B4GALNT4: variants seen among roughly 807,000 people sequenced by gnomAD.
B4GALNT4 encodes beta-1,4-N-acetyl-galactosaminyltransferase 4.
B4GALNT4 carries 77 observed loss-of-function variants against 110.0 expected under a neutral mutation model. The observed-to-expected ratio is 0.70, with a 90% CI of 0.58 to 0.85. The LOEUF is 0.85. Ranked by LOEUF, B4GALNT4 falls within the 40% of genes least tolerant of loss-of-function variation. The pLI, the probability that B4GALNT4 is intolerant of heterozygous loss-of-function variation, is 0.00. For missense variants in B4GALNT4, 1,575 were observed against 1,506.0 expected, an observed-to-expected ratio of 1.05 and a Z score of -0.76; for synonymous variants, 785 against 655.5, an observed-to-expected ratio of 1.20 and a Z score of -3.02.
intron 8 of B4GALNT4, among the ~76,000 whole-genome samples, chr11:374,517 G>A (rs1846685539): frequency 7.0e-6 from 1 of 143,208 alleles, no homozygotes; most frequent in Non-Finnish European, 1.5e-5. Flanking sequence ...GGTGGTCTGT[G>A]GAGGCCCCAG....
In B4GALNT4 at chr11:380,878, G is replaced by T; in HGVS notation, c.2923G>T (p.Asp975Tyr). The T allele has an allele frequency of 6.2e-7, 1 of 1,613,814 alleles. No homozygotes were observed. The highest frequency in any genetic ancestry group is 8.5e-7 in the Non-Finnish European group (1 of 1,179,876). Reference protein sequence around the residue: ...GLFGIYKSDFDRVGGMNTEEF... With the variant: ...GLFGIYKSDFYRVGGMNTEEF... ...TTTTGGGATCTACAAGTCGGACTTT[G>T]ACCGGGTTGGAGGAATGAACACGGA... is the stretch of plus-strand genomic sequence containing the variant. The change falls in exon 19 of 20, where the codon GAC becomes TAC. Residue 975 changes from aspartate (D) to tyrosine (Y), a missense_variant. Asp to Tyr is a radical substitution (Grantham distance 160). Transcript: ENST00000329962.
intron 18 of B4GALNT4, 127 bp from the exon 19 acceptor site, chr11:380,698 T>C: frequency 6.7e-7 from 1 of 1,484,258 alleles, no homozygotes; most frequent in South Asian, 1.1e-5. Context: ...ACCGGACGAC[T>C]CCCGGAAGCC....
Position 375,854 on chromosome 11 carries a change from C to G in B4GALNT4, c.993C>G (p.Arg331=). The change falls in exon 11 of 20, where the codon CGC becomes CGG. Residue 331 remains arginine, a synonymous_variant. Coordinates refer to ENST00000329962, the MANE Select transcript of B4GALNT4 (RefSeq NM_178537.5). ...DPRDTFFLTP[R]MESSSLENVL... Reference sequence around the variant, plus strand: ...TGACCGCACCTCCTGCAGCTCCACGCATGGAATCTTCGAGCCTGGAGAACG... The same window carrying G: ...TGACCGCACCTCCTGCAGCTCCACGGATGGAATCTTCGAGCCTGGAGAACG... 6.2e-7 allele frequency: 1 copy of G among 1,610,116 alleles called. No homozygotes were observed. Among genetic ancestry groups the G allele is most frequent in the Non-Finnish European group, 8.5e-7 (1 of 1,179,164 alleles).
chr11:378,226 C>T (rs761372613), intron 14 of B4GALNT4, among the ~76,000 whole-genome samples: 13 of 152,180 alleles, frequency 8.5e-5, no homozygotes, highest in Non-Finnish European at 1.6e-4. Flanking sequence ...TGGAAGGTTG[C>T]GAGCAGAGCA....
At position 379,664 on chromosome 11, in the gene B4GALNT4, C is replaced by A; in HGVS notation, c.2451C>A (p.Ala817=). ...RPELCRPLRL[A]WRQDVMVHFI... ...AGCTCTGCCGGCCACTGCGCCTGGC[C>A]TGGCGCCAGGACGTGATGGTTCACT... The change falls in exon 15 of 20, where the codon GCC becomes GCA. Residue 817 remains alanine (A), a synonymous_variant. Coordinates refer to ENST00000329962, the MANE Select transcript of B4GALNT4 (RefSeq NM_178537.5). The A allele has an allele frequency of 6.6e-7, 1 of 1,504,698 alleles. No homozygotes were observed. The highest frequency in any genetic ancestry group is 2.3e-5 in the East Asian group (1 of 42,924). The allele number at this position is 1,504,698 out of a possible 1,614,324, so 93.2% of individuals were successfully genotyped here.
At chr11:381,384 CCTGACCA>C in intron 19 of B4GALNT4, among the ~76,000 whole-genome samples, 1 of 66,536 alleles carries the variant, frequency 1.5e-5, no homozygotes, top group Admixed American at 1.4e-4. Flanking sequence ...GCCCCGGGTT[CCTGACCA>C]CCTCTCCGCC....
At position 376,330 on chromosome 11, in the gene B4GALNT4, T is replaced by C. The variant is rs937595434; in HGVS notation, c.1276T>C (p.Phe426Leu). The C allele has an allele frequency of 4.8e-5, 77 of 1,609,020 alleles. No homozygotes were observed. The highest frequency in any genetic ancestry group is 6.4e-5 in the Non-Finnish European group (75 of 1,177,912). ...DEEDEVQRRAFLFLNPDDFLD... is the reference protein window; with the variant it reads ...DEEDEVQRRALLFLNPDDFLD... ...AGAAGACGAGGTGCAGCGCCGAGCC[T>C]TCCTCTTCCTCAACCCGGACGGTGA... Residue 426 changes from phenylalanine to leucine, a missense_variant, in exon 13 of 20, where the codon TTC becomes CTC. By Grantham distance (22) the Phe-to-Leu change is conservative. Coordinates refer to ENST00000329962, the MANE Select transcript of B4GALNT4 (RefSeq NM_178537.5).
Position 377,143 on chromosome 11 carries a change from C to T in B4GALNT4, c.2020C>T (p.Arg674Cys), listed in dbSNP as rs777258039. Residue 674 changes from arginine (R) to cysteine (C), a missense_variant, in exon 14 of 20, where the codon CGC becomes TGC. Arg to Cys is a radical substitution (Grantham distance 180). Coordinates refer to ENST00000329962, the MANE Select transcript of B4GALNT4 (RefSeq NM_178537.5). Reference sequence around the variant, plus strand: ...GGAGGCCGCGGGCCCGGCGCTCGGACGCTGGCGTGAGGACGCCATCGACTG... The same window carrying T: ...GGAGGCCGCGGGCCCGGCGCTCGGATGCTGGCGTGAGGACGCCATCGACTG... Reference protein sequence around the residue: ...SEEAAGPALGRWREDAIDWQR... With the variant: ...SEEAAGPALGCWREDAIDWQR... 3.3e-6 allele frequency: 5 copies of T among 1,529,138 alleles called. No individual in the cohort carries two copies. The Admixed American group carries it at 6.3e-5, about 19-fold the overall frequency. The allele number at this position is 1,529,138 out of a possible 1,614,324, so 94.7% of individuals were successfully genotyped here. A position where few individuals can be genotyped will look rare whatever the true frequency, so the allele number is the denominator to read the frequency against.
chr11:370,935 TCA>T (rs1331455425), intron 1 of B4GALNT4, among the ~76,000 whole-genome samples: 1 of 151,978 alleles, frequency 6.6e-6, no homozygotes, highest in East Asian at 1.9e-4. Flanking sequence ...CCCACATACC[TCA>T]CAGCTTCCAC....
intron 8 of B4GALNT4, 28 bp from the exon 9 acceptor site, chr11:375,433 C>T: frequency 1.2e-6 from 2 of 1,610,510 alleles, no homozygotes; most frequent in Non-Finnish European, 1.7e-6. Flanking sequence ...CCGCCCTGTC[C>T]CTGACCCCCA....
Position 376,498 on chromosome 11 carries a change from C to A in B4GALNT4, c.1375C>A (p.Pro459Thr). 6.5e-7 allele frequency: 1 copy of A among 1,543,174 alleles called. No individual in the cohort carries two copies. Among genetic ancestry groups the A allele is most frequent in the Non-Finnish European group, 8.7e-7 (1 of 1,152,556 alleles). The part of the protein sequence containing the change: ...PTEAAPPRSG[P>T]QSPAPAAPAQ... ...CGAGGCGGCCCCGCCCAGGAGCGGC[C>A]CCCAGTCCCCCGCCCCAGCAGCCCC... The change falls in exon 14 of 20, where the codon CCC becomes ACC. Residue 459 changes from proline to threonine, a missense_variant. Coordinates refer to ENST00000329962, the MANE Select transcript of B4GALNT4 (RefSeq NM_178537.5).
intron 1 of B4GALNT4, among the ~76,000 whole-genome samples, 162 bp from the exon 2 acceptor site, chr11:371,947 G>T (rs553459052): frequency 8.5e-5 from 13 of 152,366 alleles, no homozygotes; most frequent in African/African-American, 3.1e-4. Flanking sequence ...GGCATCTGGT[G>T]GCAGAGGAAG....
Position 376,328 on chromosome 11 carries a change from C to G in B4GALNT4, c.1274C>G (p.Ala425Gly), listed in dbSNP as rs755469649. Residue 425 changes from alanine to glycine, a missense_variant, in exon 13 of 20, where the codon GCC becomes GGC. Coordinates refer to ENST00000329962, the MANE Select transcript of B4GALNT4 (RefSeq NM_178537.5). ...EDEEDEVQRRAFLFLNPDDFL... is the reference protein window; with the variant it reads ...EDEEDEVQRRGFLFLNPDDFL... Reference sequence around the variant, plus strand: ...GAAGAAGACGAGGTGCAGCGCCGAGCCTTCCTCTTCCTCAACCCGGACGGT... The same window carrying G: ...GAAGAAGACGAGGTGCAGCGCCGAGGCTTCCTCTTCCTCAACCCGGACGGT... The G allele has an allele frequency of 5.6e-6, 9 of 1,609,124 alleles. No individual in the cohort carries two copies. In the African/African-American group the frequency reaches 9.4e-5, roughly 17 times the overall value.
Position 376,659 on chromosome 11 carries a change from G to GC in B4GALNT4, c.1541dup (p.Arg515AlafsTer163). The GC allele has an allele frequency of 7.0e-7, 1 of 1,423,792 alleles. No individual in the cohort carries two copies. The highest frequency in any genetic ancestry group is 2.8e-5 in the Admixed American group (1 of 36,000). 88.2% of individuals were successfully genotyped at this position (1,423,792 alleles called of 1,614,324 possible). ...TGCCGCTCTTCTTGGGCCGAGCTCC[G>GC]CCCCCGCGCCCTGCAGTGGAGCAGC... On this transcript the variant is annotated frameshift_variant, in exon 14 of 20. Transcript: ENST00000329962. LOFTEE classifies it high-confidence loss of function.
chr11:372,042 C>T, intron 1 of B4GALNT4, 67 bp from the exon 2 acceptor site: 1 of 1,363,052 alleles, frequency 7.3e-7, no homozygotes, highest in African/African-American at 1.5e-5. Flanking sequence ...CCAGCTGAAC[C>T]CAGCAGCAGG....
rs1054388729 is a variant in B4GALNT4, at chr11:373,458, G to A, written c.646G>A (p.Glu216Lys). 6.3e-7 allele frequency: 1 copy of A among 1,590,134 alleles called. No homozygotes were observed. Among genetic ancestry groups the A allele is most frequent in the African/African-American group, 1.4e-5 (1 of 71,232 alleles). Residue 216 changes from glutamate (E) to lysine (K), a missense_variant, in exon 7 of 20, where the codon GAG becomes AAG. Coordinates refer to ENST00000329962, the MANE Select transcript of B4GALNT4 (RefSeq NM_178537.5). ...CTCTATCACCCCCCAGACTGGCTCC[G>A]AGTGGACAGCGCCTGGAGAATTCAC... is the stretch of plus-strand genomic sequence containing the variant. ...LVAFVGKTGS[E>K]WTAPGEFTKF...
Position 381,656 on chromosome 11 carries a change from C to T in B4GALNT4, c.2997-13C>T, listed in dbSNP as rs774642577. 5 of 1,575,538 alleles carry T rather than the reference C, an allele frequency of 3.2e-6. No homozygotes were observed. The highest frequency in any genetic ancestry group is 1.1e-5 in the South Asian group (1 of 87,652). ...CCCCGGGGTCCTGACCACCTCTCTGCCCCCGGCCCCAGGGTCCTGCAGGCA... is the reference window on the plus strand; with the variant it reads ...CCCCGGGGTCCTGACCACCTCTCTGTCCCCGGCCCCAGGGTCCTGCAGGCA... On this transcript the variant is annotated splice_polypyrimidine_tract_variant and intron_variant, in intron 19 of 19. Transcript: ENST00000329962.
Position 376,701 on chromosome 11 carries a change from C to A in B4GALNT4, c.1578C>A (p.Tyr526Ter), listed in dbSNP as rs1258450210. 7.0e-7 allele frequency: 1 copy of A among 1,419,664 alleles called. No individual in the cohort carries two copies. 87.9% of individuals were successfully genotyped at this position (1,419,664 alleles called of 1,614,324 possible). A position where few individuals can be genotyped will look rare whatever the true frequency, so the allele number is the denominator to read the frequency against. Residue 526 changes from tyrosine (Y) to a stop codon, truncating the protein, a stop_gained, in exon 14 of 20, where the codon TAC (tyrosine) becomes TAA (stop). Transcript: ENST00000329962. LOFTEE classifies it high-confidence loss of function. ...PAVEQPPPKV[Y>*]VTRVRPGQRA... is the part of the protein sequence containing the mutation. ...TGGAGCAGCCGCCCCCAAAGGTGTA[C>A]GTGACCAGGGTGCGGCCGGGACAGC...
At chr11:378,680 C>G (rs1457285383) in intron 14 of B4GALNT4, among the ~76,000 whole-genome samples, 1 of 152,178 alleles carries the variant, frequency 6.6e-6, no homozygotes, top group Non-Finnish European at 1.5e-5. Context: ...GTCCTGTTTT[C>G]TCCAGATGAG....
Sources: allele counts gnomAD v4.1 joint callset (sites outside exome capture counted in the v4.1 genomes callset), GRCh38; gene constraint gnomAD v4.1.1; transcripts MANE v1.5; gene names NCBI Gene and HGNC (gene_info 2026-07-23, HGNC 2026-07-21).